Variants in GCNT4 observed in about 807,000 individuals in gnomAD.
The protein encoded by GCNT4 is beta-1,3-galactosyl-O-glycosyl-glycoprotein beta-1,6-N-acetylglucosaminyltransferase 4.
GCNT4 carries 17 observed loss-of-function variants against 31.3 expected under a neutral mutation model. The ratio of observed to expected loss-of-function variants is 0.54; its 90% CI spans 0.37 to 0.81. The LOEUF (loss-of-function observed/expected upper bound fraction) is 0.81, where lower values mean the gene tolerates loss of function less well. GCNT4 is among the 40% of genes least tolerant of loss of function. GCNT4 has a pLI of 0.00. For missense variants in GCNT4, 503 were observed against 525.5 expected (o/e 0.96, Z 0.42); for synonymous variants, 158 against 190.6 (o/e 0.83, Z 1.41).
chr5:75,033,784 G>A (rs1463172201), intron 3 of GCNT4, among the ~76,000 whole-genome samples: 1 of 151,792 alleles, frequency 6.6e-6, no homozygotes, highest in Non-Finnish European at 1.5e-5. Flanking sequence ...CCGTCATCTA[G>A]GTTTTAAGCC....
In GCNT4 at chr5:75,029,385, A is replaced by C; in HGVS notation, c.653T>G (p.Ile218Ser). The C allele has an allele frequency of 6.2e-7, 1 of 1,614,178 alleles. No individual in the cohort carries two copies. The highest frequency in any genetic ancestry group is 2.2e-5 in the East Asian group (1 of 44,880). The change falls in exon 4 of 4, where the codon ATC (isoleucine) becomes AGC (serine). Residue 218 changes from isoleucine to serine, a missense_variant. Coordinates refer to ENST00000652361, the MANE Select transcript of GCNT4 (RefSeq NM_001366737.1). ...CAAGTTGATAACATATTTCCACTGG[A>C]TTGAAGACTTCAGAAGGTCCGACAA... ...NCLSDLLKSS[I>S]QWKYVINLCG...
At chr5:75,041,423 A>C (rs1743316540) in intron 3 of GCNT4, among the ~76,000 whole-genome samples, 1 of 152,252 alleles carries the variant, frequency 6.6e-6, no homozygotes, top group Admixed American at 6.5e-5. Context: ...GAACGTCATC[A>C]TCTTCCCTGA....
chr5:75,045,427 G>A (rs377723519), intron 3 of GCNT4, among the ~76,000 whole-genome samples: 1 of 152,024 alleles, frequency 6.6e-6, no homozygotes, highest in African/African-American at 2.4e-5. Flanking sequence ...ACATGTCTTC[G>A]AGGTTCATCC....
intron 2 of GCNT4, among the ~76,000 whole-genome samples, chr5:75,050,029 G>C (rs1743533197): frequency 6.6e-6 from 1 of 152,236 alleles, no homozygotes; most frequent in East Asian, 1.9e-4. Context: ...CCCCTTAGGT[G>C]TGGTGCCGTT....
the GCNT4 span, among the ~76,000 whole-genome samples, chr5:75,019,342 A>C: frequency 6.6e-6 from 1 of 152,362 alleles, no homozygotes; most frequent in African/African-American, 2.4e-5. Context: ...CACAAGCGTG[A>C]GAAATAAATG....
chr5:75,032,913 GT>G (rs1743102468), intron 3 of GCNT4, among the ~76,000 whole-genome samples: 1 of 138,904 alleles, frequency 7.2e-6, no homozygotes, highest in Non-Finnish European at 1.6e-5. Flanking sequence ...GTGTGTGTGT[GT>G]GTGTGTGTGA....
chr5:75,042,854 T>C (rs1743350598), intron 3 of GCNT4, among the ~76,000 whole-genome samples: 2 of 152,194 alleles, frequency 1.3e-5, no homozygotes, highest in Admixed American at 6.5e-5. Flanking sequence ...AAAATGTACA[T>C]ATTGCTCTCA....
intron 3 of GCNT4, among the ~76,000 whole-genome samples, chr5:75,045,362 A>G (rs551650997): frequency 6.6e-6 from 1 of 152,326 alleles, no homozygotes; most frequent in African/African-American, 2.4e-5. Flanking sequence ...CTAGGCCTCT[A>G]TATCATAGGA....
intron 3 of GCNT4, among the ~76,000 whole-genome samples, chr5:75,032,872 GGT>G (rs60551634): frequency 0.03 from 3,892 of 130,484 alleles, 55 homozygotes; most frequent in African/African-American, 0.043. Context: ...CCCAAATAGG[GGT>G]GTGTGTGTGT....
At chr5:75,048,172 C>T (rs1743486488) in intron 2 of GCNT4, 135 bp from the exon 3 acceptor site, 3 of 152,190 alleles carry the variant, frequency 2.0e-5, no homozygotes, top group Admixed American at 6.5e-5. Context: ...TTTTGAGCCT[C>T]ATTAACTGTG....
At chr5:75,046,230 G>A (rs1054677659) in intron 3 of GCNT4, among the ~76,000 whole-genome samples, 3 of 152,184 alleles carry the variant, frequency 2.0e-5, no homozygotes, top group Non-Finnish European at 2.9e-5. Context: ...GGGCAGGAGG[G>A]TTGCTGGAAA....
At chr5:75,032,078 T>A (rs1265877000) in intron 3 of GCNT4, among the ~76,000 whole-genome samples, 1 of 152,132 alleles carries the variant, frequency 6.6e-6, no homozygotes, top group Non-Finnish European at 1.5e-5. Context: ...ACCTTCCTCA[T>A]TCACCTCCGC....
upstream of GCNT4, among the ~76,000 whole-genome samples, chr5:75,053,509 A>C (rs1743637432): frequency 6.6e-6 from 1 of 152,042 alleles, no homozygotes; most frequent in Non-Finnish European, 1.5e-5. Flanking sequence ...GGCCAAGTCG[A>C]CTTACGAGAG....
chr5:75,023,053 G>A (rs939955347), downstream of GCNT4, among the ~76,000 whole-genome samples: 10 of 152,240 alleles, frequency 6.6e-5, no homozygotes, highest in South Asian at 6.2e-4. Context: ...TCACATTGTT[G>A]CTCAGAATAT....
chr5:75,034,905 A>G (rs552016987), intron 3 of GCNT4, among the ~76,000 whole-genome samples: 7 of 152,258 alleles, frequency 4.6e-5, no homozygotes, highest in African/African-American at 1.7e-4. Flanking sequence ...GGTGCACCCC[A>G]GCTAAGCGGA....
upstream of GCNT4, chr5:75,052,895 G>A (rs765776850): frequency 2.0e-5 from 3 of 152,312 alleles, no homozygotes; most frequent in Non-Finnish European, 4.4e-5. Flanking sequence ...GGCCAGGCTG[G>A]GCGGCGCTGG....
intron 3 of GCNT4, among the ~76,000 whole-genome samples, chr5:75,032,874 T>TGGGTGTGG (rs1554062288): frequency 2.1e-5 from 1 of 46,682 alleles, no homozygotes; most frequent in South Asian, 5.7e-4. Flanking sequence ...CAAATAGGGG[T>TGGGTGTGG]GTGTGTGTGT....
rs189439228 is a variant in GCNT4, at chr5:75,048,515, T to C, written c.-142-478A>G. Among the ~76,000 whole-genome samples, 5 of 152,278 alleles carry C rather than the reference T, an allele frequency of 3.3e-5. No homozygotes were observed. In the East Asian group the frequency reaches 9.6e-4, roughly 29 times the overall value. On this transcript the variant is annotated intron_variant, in intron 2 of 3. Coordinates refer to ENST00000652361, the MANE Select transcript of GCNT4 (RefSeq NM_001366737.1). ...ACATTTGGCACGAGTCACAGTTTAG[T>C]TCGAGACTGTCAAAAGAAAGCAAAA...
At chr5:75,043,160 T>C (rs1743357291) in intron 3 of GCNT4, among the ~76,000 whole-genome samples, 1 of 152,242 alleles carries the variant, frequency 6.6e-6, no homozygotes, top group Non-Finnish European at 1.5e-5. Context: ...ATTGTTTAGT[T>C]TACTAAGTGT....
Sources: gnomAD v4.1 joint callset for allele counts (sites outside exome capture counted in the v4.1 genomes callset) on GRCh38, gnomAD v4.1.1 for gene constraint, MANE v1.5 for transcripts, NCBI Gene and HGNC (gene_info 2026-07-23, HGNC 2026-07-21) for gene names.